RASGRP3: variants seen among roughly 807,000 people sequenced by gnomAD.
RASGRP3 encodes RAS guanyl releasing protein 3.
A neutral mutation model predicts 82.7 loss-of-function variants in RASGRP3; 54 were observed. The ratio of observed to expected loss-of-function variants is 0.65; its 90% CI spans 0.52 to 0.82. The LOEUF is 0.82. Ranked by LOEUF, RASGRP3 falls within the 40% of genes least tolerant of loss-of-function variation. The pLI is 0.00. For missense variants in RASGRP3, 861 were observed against 828.9 expected (o/e 1.04, Z -0.48); for synonymous variants, 309 against 300.5 (o/e 1.03, Z -0.29).
intron 2 of RASGRP3, among the ~76,000 whole-genome samples, chr2:33,470,843 T>C (rs1175232805): frequency 6.6e-6 from 1 of 152,146 alleles, no homozygotes; most frequent in East Asian, 1.9e-4. Context: ...AGAAGCAAAT[T>C]TTAGTTTGTT....
In RASGRP3 at chr2:33,559,033, A is replaced by G. The variant is rs1309780497; in HGVS notation, c.2064+3A>G. 6.3e-7 allele frequency: 1 copy of G among 1,595,334 alleles called. No individual in the cohort carries two copies. The highest frequency in any genetic ancestry group is 2.2e-5 in the East Asian group (1 of 44,702). ...AAGAGACCAGACAGGATGGTGAGGTAAGTGCTAGGTCAACCCACAAAGAAA... is the reference window on the plus strand; with the variant it reads ...AAGAGACCAGACAGGATGGTGAGGTGAGTGCTAGGTCAACCCACAAAGAAA... On this transcript the variant is annotated splice_donor_region_variant and intron_variant, in intron 17 of 17. Coordinates refer to ENST00000403687, the MANE Select transcript of RASGRP3 (RefSeq NM_001139488.2).
chr2:33,465,711 C>T (rs1178943606), intron 2 of RASGRP3, among the ~76,000 whole-genome samples: 1 of 152,178 alleles, frequency 6.6e-6, no homozygotes, highest in Non-Finnish European at 1.5e-5. Context: ...CTAGGACTTT[C>T]ATAGCTAGAA....
chr2:33,545,265 A>G (rs1674625591), intron 13 of RASGRP3, among the ~76,000 whole-genome samples: 1 of 152,260 alleles, frequency 6.6e-6, no homozygotes, highest in Admixed American at 6.5e-5. Context: ...CTTACATGAC[A>G]CTAAAGTTTT....
chr2:33,455,705 A>G (rs1347884762), intron 2 of RASGRP3, among the ~76,000 whole-genome samples: 1 of 152,258 alleles, frequency 6.6e-6, no homozygotes. Flanking sequence ...GATAAGATTG[A>G]TTAAAACCAT....
At chr2:33,477,397 T>C (rs972601241) in intron 1 of RASGRP3, among the ~76,000 whole-genome samples, 4 of 152,248 alleles carry the variant, frequency 2.6e-5, no homozygotes, top group South Asian at 2.1e-4. Context: ...CAGTTGCCCC[T>C]GGTCTTCCTT....
At chr2:33,528,510 G>A (rs1272114799) in intron 10 of RASGRP3, among the ~76,000 whole-genome samples, 1 of 152,152 alleles carries the variant, frequency 6.6e-6, no homozygotes, top group Non-Finnish European at 1.5e-5. Context: ...CCCTGTTTGG[G>A]TTTATAACAC....
intron 4 of RASGRP3, among the ~76,000 whole-genome samples, chr2:33,518,804 C>A (rs1053512097): frequency 2.0e-5 from 3 of 152,204 alleles, no homozygotes; most frequent in African/African-American, 7.2e-5. Flanking sequence ...TCAGGATCAT[C>A]AATATCACTG....
chr2:33,461,878 G>A (rs940563301), intron 2 of RASGRP3, among the ~76,000 whole-genome samples: 2 of 152,182 alleles, frequency 1.3e-5, no homozygotes, highest in Non-Finnish European at 2.9e-5. Flanking sequence ...TGGAATAATG[G>A]AAATGAGGTT....
chr2:33,493,341 G>A (rs972167410), intron 1 of RASGRP3, among the ~76,000 whole-genome samples: 5 of 152,232 alleles, frequency 3.3e-5, no homozygotes, highest in African/African-American at 7.2e-5. Flanking sequence ...TGAGAGGTGC[G>A]GTATGCAGAC....
chr2:33,528,429 C>T (rs1243471809), intron 10 of RASGRP3, among the ~76,000 whole-genome samples: 1 of 152,206 alleles, frequency 6.6e-6, no homozygotes, highest in African/African-American at 2.4e-5. Flanking sequence ...CCACTGGCTG[C>T]TGCTTTGTGG....
chr2:33,442,798 G>T (rs1391343642), intron 1 of RASGRP3, among the ~76,000 whole-genome samples: 4 of 152,108 alleles, frequency 2.6e-5, no homozygotes, highest in Non-Finnish European at 5.9e-5. Context: ...GAAATGCAGG[G>T]GAGCCCGTCT....
At chr2:33,457,297 A>T (rs951740739) in intron 2 of RASGRP3, among the ~76,000 whole-genome samples, 11 of 152,156 alleles carry the variant, frequency 7.2e-5, no homozygotes, top group South Asian at 2.1e-4. Context: ...ATATTTTTTT[A>T]AAAAAACCTG....
chr2:33,489,947 CA>C (rs1668709806), intron 1 of RASGRP3, among the ~76,000 whole-genome samples: 1 of 152,178 alleles, frequency 6.6e-6, no homozygotes, highest in Non-Finnish European at 1.5e-5. Context: ...TTTTCATCTT[CA>C]AAAACTCAGG....
In RASGRP3 at chr2:33,523,895, G is replaced by A; in HGVS notation, c.533G>A (p.Ser178Asn). 1 of 1,612,492 alleles carries A rather than the reference G, an allele frequency of 6.2e-7. No homozygotes were observed. The highest frequency in any genetic ancestry group is 8.5e-7 in the Non-Finnish European group (1 of 1,178,946). Residue 178 changes from serine to asparagine, a missense_variant, in exon 8 of 18, where the codon AGC (serine) becomes AAC (asparagine). By Grantham distance (46) the Ser-to-Asn change is conservative. Transcript: ENST00000403687. ...CTTTCCTAGTTCACTGATTACCAAAGCTATGTCATCCATGGCTGCCTGGAG... is the reference window on the plus strand; with the variant it reads ...CTTTCCTAGTTCACTGATTACCAAAACTATGTCATCCATGGCTGCCTGGAG... Reference protein sequence around the residue: ...FRRISFTDYQSYVIHGCLENN... With the variant: ...FRRISFTDYQNYVIHGCLENN...
At chr2:33,459,568 C>A (rs1666245273) in intron 2 of RASGRP3, among the ~76,000 whole-genome samples, 1 of 150,708 alleles carries the variant, frequency 6.6e-6, no homozygotes, top group South Asian at 2.1e-4. Flanking sequence ...TCAGTTTTAA[C>A]TATTATAATA....
At position 33,451,696 on chromosome 2, in the gene RASGRP3, G is replaced by A. The variant is rs1665808998; in HGVS notation, c.-261+3753G>A. On this transcript the variant is annotated intron_variant, in intron 2 of 18. Coordinates refer to the RASGRP3 transcript ENST00000402538. The stretch of plus-strand genomic sequence containing the variant: ...GAATTTGATTGTAATGTGTCTTGGT[G>A]AAGATCTCTGTATTTAATCTGCTTG... 2.0e-5 allele frequency among the ~76,000 whole-genome samples: 3 copies of A among 152,068 alleles called. No homozygotes were observed. The South Asian group carries it at 6.2e-4, about 32-fold the overall frequency.
chr2:33,537,186 TA>T (rs1466156490), intron 11 of RASGRP3, among the ~76,000 whole-genome samples: 2 of 147,234 alleles, frequency 1.4e-5, no homozygotes, highest in African/African-American at 5.1e-5. Flanking sequence ...GGGACAGAAC[TA>T]ATAGGATATA....
intron 1 of RASGRP3, among the ~76,000 whole-genome samples, chr2:33,444,787 G>A (rs1254522046): frequency 6.6e-6 from 1 of 152,180 alleles, no homozygotes; most frequent in Non-Finnish European, 1.5e-5. Context: ...GAGAATTAGG[G>A]CAATAGAAGT....
intron 1 of RASGRP3, among the ~76,000 whole-genome samples, chr2:33,501,562 A>G (rs546858460): frequency 6.6e-6 from 1 of 152,296 alleles, no homozygotes; most frequent in South Asian, 2.1e-4. Flanking sequence ...GTTAAGTAAA[A>G]CTTGTCCAAA....
Sources: allele counts gnomAD v4.1 joint callset (sites outside exome capture counted in the v4.1 genomes callset), GRCh38; gene constraint gnomAD v4.1.1; transcripts MANE v1.5; gene names NCBI Gene and HGNC (gene_info 2026-07-23, HGNC 2026-07-21).